Variants in MON1A observed in about 807,000 individuals in gnomAD.
MON1A encodes vacuolar fusion protein MON1 homolog A.
MON1A carries 29 observed loss-of-function variants against 44.6 expected under a neutral mutation model. The observed-to-expected ratio is 0.65, with a 90% CI of 0.48 to 0.89. The LOEUF (loss-of-function observed/expected upper bound fraction) is 0.89, where lower values mean the gene tolerates loss of function less well. Among genes scored for constraint, MON1A ranks in the 40% least tolerant of loss-of-function variants. MON1A has a pLI of 0.00. For synonymous variants in MON1A, 275 were observed against 316.4 expected (o/e 0.87, Z 1.39); for missense variants, 615 against 759.6 (o/e 0.81, Z 2.24).
At chr3:49,918,531 C>G (rs1213516417) in intron 1 of MON1A, among the ~76,000 whole-genome samples, 1 of 151,838 alleles carries the variant, frequency 6.6e-6, no homozygotes, top group Admixed American at 6.6e-5. Flanking sequence ...CCTGCCTCAG[C>G]CTCCCAGGTA....
intron 1 of MON1A, among the ~76,000 whole-genome samples, chr3:49,920,253 G>T (rs1418849526): frequency 6.6e-6 from 1 of 151,918 alleles, no homozygotes; most frequent in Non-Finnish European, 1.5e-5. Context: ...CTCTTTTATG[G>T]CATACCACTC....
At position 49,911,031 on chromosome 3, in the gene MON1A, A is replaced by T; in HGVS notation, c.614-147T>A. 1.2e-6 allele frequency: 1 copy of T among 801,042 alleles called. No homozygotes were observed. The highest frequency in any genetic ancestry group is 2.0e-5 in the South Asian group (1 of 51,040). 49.6% of individuals were successfully genotyped at this position (801,042 alleles called of 1,614,324 possible). A position where few individuals can be genotyped will look rare whatever the true frequency, so the allele number is the denominator to read the frequency against. On this transcript the variant is annotated intron_variant, in intron 3 of 5. Coordinates refer to ENST00000296473, the MANE Select transcript of MON1A (RefSeq NM_032355.4). The surrounding 1 kb of genome is among the most constrained non-coding windows in gnomAD (Gnocchi z 5.7). ...GGGTTTAAGGATGTTCAGGATAAAA[A>T]CCCATTGCTCCTTCTCCCTGAGGGC...
chr3:49,922,776 G>A (rs1312222056), intron 1 of MON1A, among the ~76,000 whole-genome samples: 1 of 150,502 alleles, frequency 6.6e-6, no homozygotes, highest in Non-Finnish European at 1.5e-5. Flanking sequence ...TCAGCTCACC[G>A]CAACAGTGCG....
chr3:49,910,332 G>C lies in MON1A; in HGVS notation c.1166C>G (p.Thr389Ser), dbSNP rs199835897. The C allele has an allele frequency of 6.3e-5, 102 of 1,614,134 alleles. No homozygotes were observed. Among genetic ancestry groups the C allele is most frequent in the Non-Finnish European group, 1.1e-5 (13 of 1,180,060 alleles). Reference sequence around the variant, plus strand: ...GGAGACAAGCAGCAGGCAGAGGTCAGTGTCAGGCTCTAGGTAAGAGATGTG... The same window carrying C: ...GGAGACAAGCAGCAGGCAGAGGTCACTGTCAGGCTCTAGGTAAGAGATGTG... ...HAHISYLEPD[T>S]DLCLLLVSTD... The change falls in exon 4 of 6, where the codon ACT (threonine) becomes AGT (serine). Residue 389 changes from threonine to serine, a missense_variant. Coordinates refer to ENST00000296473, the MANE Select transcript of MON1A (RefSeq NM_032355.4). The surrounding 1 kb of genome is among the most constrained non-coding windows in gnomAD (Gnocchi z 8.0).
Position 49,909,992 on chromosome 3 carries a change from G to T in MON1A, c.1379+127C>A. On this transcript the variant is annotated intron_variant, in intron 4 of 5. Transcript: ENST00000296473. This position sits in a 1 kb window ranked among gnomAD's most constrained non-coding sequence, Gnocchi z 4.0. The stretch of plus-strand genomic sequence containing the variant: ...CTGGTGCCAGAGTAAAACAGGCCCA[G>T]CACACTGGTCTGCTTCCAAAGGTAG... 1 of 1,080,932 alleles carries T rather than the reference G, an allele frequency of 9.3e-7. No homozygotes were observed. Among genetic ancestry groups the T allele is most frequent in the Non-Finnish European group, 1.3e-6 (1 of 742,232 alleles). The allele number at this position is 1,080,932 out of a possible 1,614,324, so 67.0% of individuals were successfully genotyped here. A position where few individuals can be genotyped will look rare whatever the true frequency, so the allele number is the denominator to read the frequency against.
intron 1 of MON1A, among the ~76,000 whole-genome samples, chr3:49,922,486 G>A (rs2083008896): frequency 7.3e-6 from 1 of 137,594 alleles, no homozygotes. Flanking sequence ...TGTAAAGGGA[G>A]GAAGGAAGGA....
chr3:49,908,892 G>T lies in MON1A; in HGVS notation c.*122C>A. On this transcript the variant is annotated 3_prime_UTR_variant, in exon 6 of 6. Transcript: ENST00000296473. ...AGTGTCTTCCCCAAAGCACTTTAAT[G>T]CATTCACCAACCCACAGTCCCTGCC... 2 of 1,160,118 alleles carry T rather than the reference G, an allele frequency of 1.7e-6. No individual in the cohort carries two copies. The highest frequency in any genetic ancestry group is 2.4e-6 in the Non-Finnish European group (2 of 830,644). The allele number at this position is 1,160,118 out of a possible 1,614,324, so 71.9% of individuals were successfully genotyped here.
At chr3:49,924,411 G>T in intron 1 of MON1A, 1 of 192,096 alleles carries the variant, frequency 5.2e-6, no homozygotes, top group South Asian at 5.9e-5. Flanking sequence ...GGGGACAGTG[G>T]CTTATGCCTG....
In MON1A at chr3:49,923,588, G is replaced by C. The variant is rs143296746; in HGVS notation, c.-14+6021C>G. 7.8e-3 allele frequency among the ~76,000 whole-genome samples: 1,175 copies of C among 151,022 alleles called. 9 individuals carry two copies. The highest frequency in any genetic ancestry group is 0.014 in the Non-Finnish European group (937 of 67,712). ...CATGCCTCAGCCTCCCGAGTAGCTG[G>C]GACTACAGGCGTGTGCCACCACATT... On this transcript the variant is annotated intron_variant, in intron 1 of 5. Coordinates refer to ENST00000296473, the MANE Select transcript of MON1A (RefSeq NM_032355.4).
intron 1 of MON1A, among the ~76,000 whole-genome samples, chr3:49,926,028 T>C (rs1279566046): frequency 6.6e-6 from 1 of 152,154 alleles, no homozygotes; most frequent in East Asian, 1.9e-4. Flanking sequence ...GTTCCTCTGC[T>C]CACAACTCTG....
chr3:49,920,490 A>G (rs1448002938), intron 1 of MON1A: 1 of 152,090 alleles, frequency 6.6e-6, no homozygotes, highest in African/African-American at 2.4e-5. Flanking sequence ...ACACACATTT[A>G]ACTGTCTACT....
intron 1 of MON1A, among the ~76,000 whole-genome samples, chr3:49,926,614 G>C (rs917076570): frequency 6.6e-6 from 1 of 151,908 alleles, no homozygotes; most frequent in African/African-American, 2.4e-5. Context: ...GTGCCACCAC[G>C]CCTGGCTAAT....
chr3:49,921,561 G>A (rs993321897), intron 1 of MON1A, among the ~76,000 whole-genome samples: 2 of 144,640 alleles, frequency 1.4e-5, no homozygotes, highest in Non-Finnish European at 3.0e-5. Context: ...ACCAGGTCAG[G>A]ATATCGAGAC....
At chr3:49,913,497 C>A in intron 1 of MON1A, 138 bp from the exon 2 acceptor site, 1 of 765,670 alleles carries the variant, frequency 1.3e-6, no homozygotes, top group Non-Finnish European at 2.0e-6. Context: ...TCTGAGAATT[C>A]CTTTCAAAAA....
chr3:49,910,340 C>A lies in MON1A; in HGVS notation c.1158G>T (p.Glu386Asp), dbSNP rs1490035761. 2.5e-6 allele frequency: 4 copies of A among 1,614,092 alleles called. No individual in the cohort carries two copies. In the South Asian group the frequency reaches 3.3e-5, roughly 13 times the overall value. ...GCAGCAGGCAGAGGTCAGTGTCAGG[C>A]TCTAGGTAAGAGATGTGTGCGTGGA... ...GFFHAHISYLEPDTDLCLLLV... is the reference protein window; with the variant it reads ...GFFHAHISYLDPDTDLCLLLV... Residue 386 changes from glutamate (E) to aspartate (D), a missense_variant, in exon 4 of 6, where the codon GAG (glutamate) becomes GAT (aspartate). Glu to Asp is a conservative substitution (Grantham distance 45). Coordinates refer to ENST00000296473, the MANE Select transcript of MON1A (RefSeq NM_032355.4). This position sits in a 1 kb window ranked among gnomAD's most constrained non-coding sequence, Gnocchi z 8.0.
At chr3:49,921,496 T>C (rs2082995932) in intron 1 of MON1A, among the ~76,000 whole-genome samples, 2 of 146,878 alleles carry the variant, frequency 1.4e-5, no homozygotes, top group South Asian at 4.7e-4. Context: ...AAAGGCCGGG[T>C]GCAGTGGCTC....
chr3:49,913,451 C>A, intron 1 of MON1A, 92 bp from the exon 2 acceptor site: 1 of 1,210,356 alleles, frequency 8.3e-7, no homozygotes, highest in Non-Finnish European at 1.1e-6. Flanking sequence ...TGTCCTTTAT[C>A]AGGACTCCAC....
At chr3:49,920,126 T>C (rs151160597) in intron 1 of MON1A, among the ~76,000 whole-genome samples, 1 of 152,168 alleles carries the variant, frequency 6.6e-6, no homozygotes, top group Non-Finnish European at 1.5e-5. Context: ...GAATCTCACC[T>C]CCATTACTCC....
At position 49,929,785 on chromosome 3, in the gene MON1A, C is replaced by T; in HGVS notation, c.-190G>A. The T allele has an allele frequency of 1.3e-6, 2 of 1,548,520 alleles. No homozygotes were observed. The highest frequency in any genetic ancestry group is 1.7e-6 in the Non-Finnish European group (2 of 1,146,702). ...GCAGGCACCGCTCCCTCCCACCGCC[C>T]TCACCCGGCCGCCGGTGCAGGAAGA... On this transcript the variant is annotated 5_prime_UTR_variant, in exon 1 of 6. Coordinates refer to ENST00000296473, the MANE Select transcript of MON1A (RefSeq NM_032355.4).
Sources: allele counts gnomAD v4.1 joint callset (sites outside exome capture counted in the v4.1 genomes callset), GRCh38; gene constraint gnomAD v4.1.1; non-coding constraint Gnocchi (gnomAD v3.1); transcripts MANE v1.5; gene names NCBI Gene and HGNC (gene_info 2026-07-23, HGNC 2026-07-21).